The following EYS variants were observed in gnomAD, a reference collection of about 807,000 sequenced individuals.
The protein encoded by EYS is protein eyes shut homolog.
A neutral mutation model predicts 282.1 loss-of-function variants in EYS; 250 were observed. That is an observed-to-expected ratio of 0.89 (90% CI 0.80 to 0.98). The LOEUF is 0.98. Ranked by LOEUF, EYS falls within the 50% of genes least tolerant of loss-of-function variation. The pLI is 0.00. For missense variants in EYS, 4,016 were observed against 3,709.0 expected, an observed-to-expected ratio of 1.08 and a Z score of -2.15; for synonymous variants, 1,355 against 1,282.9, an observed-to-expected ratio of 1.06 and a Z score of -1.20.
At chr6:64,034,283 C>T (rs1313009245) in intron 33 of EYS, among the ~76,000 whole-genome samples, 1 of 152,188 alleles carries the variant, frequency 6.6e-6, no homozygotes, top group South Asian at 2.1e-4. Flanking sequence ...AACTAGCTTA[C>T]AATTGAATAA....
chr6:64,629,486 A>G (rs1767713492), intron 22 of EYS, among the ~76,000 whole-genome samples: 2 of 152,206 alleles, frequency 1.3e-5, no homozygotes, highest in Non-Finnish European at 2.9e-5. Context: ...TCTTAACAAT[A>G]CTGAGTTTTT....
At chr6:64,332,468 G>A (rs1770682749) in intron 29 of EYS, among the ~76,000 whole-genome samples, 1 of 152,070 alleles carries the variant, frequency 6.6e-6, no homozygotes, top group African/African-American at 2.4e-5. Flanking sequence ...ACCACCTTAG[G>A]GCCTTTATCG....
chr6:64,337,877 A>C (rs1213118676), intron 29 of EYS, among the ~76,000 whole-genome samples: 1 of 152,126 alleles, frequency 6.6e-6, no homozygotes, highest in Non-Finnish European at 1.5e-5. Flanking sequence ...AAAAAGAAAC[A>C]TCACATGATC....
intron 31 of EYS, among the ~76,000 whole-genome samples, chr6:64,219,894 A>T (rs796884911): frequency 2.3e-4 from 35 of 150,178 alleles, no homozygotes; most frequent in African/African-American, 7.7e-4. Flanking sequence ...ACATGGATGA[A>T]GCTGGAAACC....
intron 35 of EYS, among the ~76,000 whole-genome samples, chr6:63,886,513 T>C (rs184411481): frequency 2.6e-5 from 4 of 152,212 alleles, no homozygotes; most frequent in Non-Finnish European, 5.9e-5. Flanking sequence ...CAAGAAGTAA[T>C]GCTATGCAAG....
intron 22 of EYS, among the ~76,000 whole-genome samples, chr6:64,701,879 G>A (rs1433477919): frequency 6.6e-6 from 1 of 151,830 alleles, no homozygotes; most frequent in East Asian, 1.9e-4. Context: ...AAAATTAAAA[G>A]AGCAGAAGTA....
chr6:63,984,178 C>T (rs1767239543), intron 35 of EYS, among the ~76,000 whole-genome samples: 1 of 151,766 alleles, frequency 6.6e-6, no homozygotes, highest in Non-Finnish European at 1.5e-5. Context: ...CTGAGACTCT[C>T]TTGTCTCTTG....
chr6:65,543,148 A>G (rs969106567), intron 2 of EYS, among the ~76,000 whole-genome samples: 5 of 151,952 alleles, frequency 3.3e-5, no homozygotes, highest in African/African-American at 1.2e-4. Context: ...CCTCCGGAGT[A>G]GCTGGGATTA....
intron 10 of EYS, among the ~76,000 whole-genome samples, chr6:65,335,540 T>C (rs369988120): frequency 4.0e-5 from 6 of 151,696 alleles, no homozygotes; most frequent in African/African-American, 1.2e-4. Context: ...ACATAAACTG[T>C]CTTTGTGTCC....
intron 26 of EYS, among the ~76,000 whole-genome samples, chr6:64,468,656 A>C (rs2150490548): frequency 6.6e-6 from 1 of 151,982 alleles, no homozygotes; most frequent in South Asian, 2.1e-4. Flanking sequence ...CCCTCCTCCC[A>C]CCCTCCACCT....
At chr6:64,607,806 A>G (rs1411096623) in intron 24 of EYS, among the ~76,000 whole-genome samples, 3 of 152,098 alleles carry the variant, frequency 2.0e-5, no homozygotes, top group African/African-American at 4.8e-5. Flanking sequence ...GTGCTCATGG[A>G]TATAGGGTTT....
intron 36 of EYS, chr6:63,821,350 C>T (rs921306245): frequency 6.6e-6 from 1 of 152,116 alleles, no homozygotes; most frequent in Admixed American, 6.5e-5. Context: ...AGACTGAAAA[C>T]CAGCTGGTGA....
intron 12 of EYS, among the ~76,000 whole-genome samples, chr6:65,076,816 G>A (rs563739048): frequency 1.9e-4 from 29 of 151,984 alleles, no homozygotes; most frequent in African/African-American, 7.0e-4. Context: ...AAGAGAGGCA[G>A]GCAGTTGATT....
chr6:64,374,000 C>T (rs1442574083), intron 29 of EYS, among the ~76,000 whole-genome samples: 1 of 151,894 alleles, frequency 6.6e-6, no homozygotes, highest in Non-Finnish European at 1.5e-5. Context: ...CTTCCAGGTG[C>T]TTCTAGCTGC....
At chr6:65,704,522 G>T (rs1456690041) in intron 1 of EYS, among the ~76,000 whole-genome samples, 4 of 152,200 alleles carry the variant, frequency 2.6e-5, no homozygotes, top group African/African-American at 9.6e-5. Flanking sequence ...ATGTGTGCTT[G>T]ATGGAGAGTA....
chr6:63,839,420 T>A (rs1458088476), intron 36 of EYS, among the ~76,000 whole-genome samples: 3 of 152,214 alleles, frequency 2.0e-5, no homozygotes, highest in Non-Finnish European at 2.9e-5. Flanking sequence ...TGAATAGCAT[T>A]CCATTGTGTA....
At chr6:64,227,830 A>G (rs949329939) in intron 31 of EYS, among the ~76,000 whole-genome samples, 4 of 152,094 alleles carry the variant, frequency 2.6e-5, no homozygotes, top group African/African-American at 9.7e-5. Flanking sequence ...TTATCTGTAA[A>G]TCGTAAGCAT....
In EYS at chr6:64,912,547, A is replaced by G; in HGVS notation, c.2578T>C (p.Cys860Arg). The G allele has an allele frequency of 6.4e-7, 1 of 1,551,288 alleles. No individual in the cohort carries two copies. The highest frequency in any genetic ancestry group is 1.2e-5 in the South Asian group (1 of 84,042). Reference sequence around the variant, plus strand: ...GCTAAGCATGTTGAGTTGTTTCTGCAAGGGTTATGAAGTAGGTCACAAAGG... The same window carrying G: ...GCTAAGCATGTTGAGTTGTTTCTGCGAGGGTTATGAAGTAGGTCACAAAGG... ...YNLCDLLHNP[C>R]RNNSTCLALV... is the part of the protein sequence containing the mutation. Residue 860 changes from cysteine (C) to arginine (R), a missense_variant, in exon 16 of 43, where the codon TGC becomes CGC. Transcript: ENST00000503581.
At chr6:65,515,233 A>G (rs1582402428) in intron 2 of EYS, among the ~76,000 whole-genome samples, 1 of 151,550 alleles carries the variant, frequency 6.6e-6, no homozygotes, top group East Asian at 1.9e-4. Context: ...AATCAAAACC[A>G]CAATGAGATA....
Sources: gnomAD v4.1 joint callset for allele counts (sites outside exome capture counted in the v4.1 genomes callset) on GRCh38, gnomAD v4.1.1 for gene constraint, MANE v1.5 for transcripts, NCBI Gene and HGNC (gene_info 2026-07-23, HGNC 2026-07-21) for gene names.